USP32: variants seen among roughly 807,000 people sequenced by gnomAD.
The protein encoded by USP32 is ubiquitin carboxyl-terminal hydrolase 32.
USP32 carries 59 observed loss-of-function variants against 204.8 expected under a neutral mutation model. The ratio of observed to expected loss-of-function variants is 0.29; its 90% CI spans 0.23 to 0.36. The LOEUF (loss-of-function observed/expected upper bound fraction) is 0.36, where lower values mean the gene tolerates loss of function less well. USP32 is among the 10% of genes least tolerant of loss of function. USP32 has a pLI of 1.00. For missense variants in USP32, 1,160 were observed against 1,946.4 expected (o/e 0.60, Z 7.60); for synonymous variants, 517 against 678.4 (o/e 0.76, Z 3.70).
At chr17:60,403,021 T>G (rs1328337564) in intron 1 of USP32, among the ~76,000 whole-genome samples, 1 of 148,276 alleles carries the variant, frequency 6.7e-6, no homozygotes, top group Non-Finnish European at 1.5e-5. Flanking sequence ...CGTATCTCTG[T>G]TTTTTTTTTG....
At chr17:60,267,900 T>A (rs1397390504) in intron 7 of USP32, among the ~76,000 whole-genome samples, 1 of 152,060 alleles carries the variant, frequency 6.6e-6, no homozygotes, top group East Asian at 1.9e-4. Flanking sequence ...AACCTCCACC[T>A]CCCAGGTTCA....
At chr17:60,401,400 A>G (rs2089934414) in intron 1 of USP32, among the ~76,000 whole-genome samples, 1 of 152,152 alleles carries the variant, frequency 6.6e-6, no homozygotes, top group African/African-American at 2.4e-5. Flanking sequence ...AAAGAATTAT[A>G]AGCAGTTGAC....
At chr17:60,371,878 G>A in intron 1 of USP32, among the ~76,000 whole-genome samples, 1 of 152,172 alleles carries the variant, frequency 6.6e-6, no homozygotes, top group Non-Finnish European at 1.5e-5. Context: ...AGAATACTAA[G>A]CAAACACAAA....
Position 60,391,894 on chromosome 17 carries a change from C to A in USP32, c.46G>T (p.Ala16Ser), listed in dbSNP as rs748012381. 5.6e-5 allele frequency: 90 copies of A among 1,611,602 alleles called. No individual in the cohort carries two copies. The highest frequency in any genetic ancestry group is 4.8e-5 in the Non-Finnish European group (57 of 1,179,110). ...SRIGFLSYEEALRRVTDVELK... is the reference protein window; with the variant it reads ...SRIGFLSYEESLRRVTDVELK... Reference sequence around the variant, plus strand: ...CCTCCCCCCTCACCTCTCCTCAGCGCCTCCTCGTAGCTGAGGAATCCGATC... The same window carrying A: ...CCTCCCCCCTCACCTCTCCTCAGCGACTCCTCGTAGCTGAGGAATCCGATC... The change falls in exon 1 of 34, where the codon GCG (alanine) becomes TCG (serine). Residue 16 changes from alanine to serine, a missense_variant. Coordinates refer to ENST00000300896, the MANE Select transcript of USP32 (RefSeq NM_032582.4).
At chr17:60,283,486 A>C (rs2087023860) in intron 5 of USP32, among the ~76,000 whole-genome samples, 1 of 152,210 alleles carries the variant, frequency 6.6e-6, no homozygotes, top group African/African-American at 2.4e-5. Context: ...GAAGTAAAAT[A>C]AGAAAGATAA....
At chr17:60,377,431 G>T (rs2146104441) in intron 1 of USP32, among the ~76,000 whole-genome samples, 1 of 152,244 alleles carries the variant, frequency 6.6e-6, no homozygotes, top group East Asian at 1.9e-4. Flanking sequence ...CCTTCGAACA[G>T]TCTCTACTCC....
chr17:60,349,734 AG>A (rs1396661466), intron 1 of USP32, among the ~76,000 whole-genome samples: 122 of 145,638 alleles, frequency 8.4e-4, no homozygotes, highest in African/African-American at 2.7e-3. Context: ...CTTAAACTGT[AG>A]GGAAATGTAC....
Position 60,392,104 on chromosome 17 carries a change from T to A in USP32, c.-165A>T. 1.5e-6 allele frequency: 1 copy of A among 655,764 alleles called. No homozygotes were observed. Among genetic ancestry groups the A allele is most frequent in the Non-Finnish European group, 2.4e-6 (1 of 410,850 alleles). 40.6% of individuals were successfully genotyped at this position (655,764 alleles called of 1,614,324 possible). On this transcript the variant is annotated 5_prime_UTR_variant, in exon 1 of 34. Transcript: ENST00000300896. Reference sequence around the variant, plus strand: ...CTTCTGCCCCGGCGGCTCCTCCCGGTCGCCGCCACCGCCTCCATGCCGGAT... The same window carrying A: ...CTTCTGCCCCGGCGGCTCCTCCCGGACGCCGCCACCGCCTCCATGCCGGAT...
At chr17:60,364,553 T>TA (rs1204803287) in intron 1 of USP32, among the ~76,000 whole-genome samples, 1 of 152,164 alleles carries the variant, frequency 6.6e-6, no homozygotes, top group Non-Finnish European at 1.5e-5. Flanking sequence ...ATTTTTCTAT[T>TA]TTTAGTAGAG....
intron 1 of USP32, among the ~76,000 whole-genome samples, chr17:60,390,257 T>G (rs1421011910): frequency 6.6e-6 from 1 of 152,212 alleles, no homozygotes; most frequent in Non-Finnish European, 1.5e-5. Flanking sequence ...AATTTTGGAA[T>G]TTCTCAATGC....
At chr17:60,398,501 G>C (rs1041303676) in intron 1 of USP32, among the ~76,000 whole-genome samples, 2 of 152,166 alleles carry the variant, frequency 1.3e-5, no homozygotes, top group Non-Finnish European at 2.9e-5. Flanking sequence ...CTTAGAAAGA[G>C]GAAGGAAATT....
chr17:60,295,940 T>C (rs2087417157), intron 3 of USP32, among the ~76,000 whole-genome samples: 1 of 152,134 alleles, frequency 6.6e-6, no homozygotes, highest in Admixed American at 6.5e-5. Flanking sequence ...GTACCATTTA[T>C]TTAAAACTTT....
At chr17:60,256,595 G>T in intron 9 of USP32, 1 of 762,654 alleles carries the variant, frequency 1.3e-6, no homozygotes, top group African/African-American at 1.9e-5. Flanking sequence ...ATTTTCTCCA[G>T]GTACTCCGGT....
intron 11 of USP32, among the ~76,000 whole-genome samples, chr17:60,246,193 C>T (rs2145684421): frequency 1.3e-5 from 2 of 152,150 alleles, no homozygotes; most frequent in South Asian, 4.1e-4. Flanking sequence ...CCCTTGCCAG[C>T]CTCTGATAAC....
intron 28 of USP32, 34 bp downstream of exon 28, chr17:60,192,810 T>C: frequency 1.2e-6 from 2 of 1,605,574 alleles, no homozygotes; most frequent in Non-Finnish European, 1.7e-6. Context: ...AAGCTGAAAT[T>C]CTACTAAAGT....
chr17:60,251,202 C>G (rs894542163), intron 11 of USP32, among the ~76,000 whole-genome samples: 1 of 152,000 alleles, frequency 6.6e-6, no homozygotes, highest in Non-Finnish European at 1.5e-5. Context: ...CTTGGCTTCC[C>G]AAAGTGCTGG....
At chr17:60,208,910 T>C (rs570452311) in intron 22 of USP32, 82 bp from the exon 23 acceptor site, 1 of 1,410,610 alleles carries the variant, frequency 7.1e-7, no homozygotes, top group South Asian at 1.7e-5. Flanking sequence ...GCTAGTTAAA[T>C]ATATTGGATT....
intron 8 of USP32, 52 bp downstream of exon 8, chr17:60,265,924 A>T (rs1328210815): frequency 1.0e-5 from 14 of 1,387,376 alleles, no homozygotes; most frequent in Non-Finnish European, 1.4e-5. Flanking sequence ...GATTCCCTCC[A>T]ATTTCCCATT....
At chr17:60,182,168 T>C (rs1295080075) in intron 31 of USP32, among the ~76,000 whole-genome samples, 1 of 152,252 alleles carries the variant, frequency 6.6e-6, no homozygotes, top group Non-Finnish European at 1.5e-5. Context: ...CTGTCCATTG[T>C]TACCTCTATG....
Sources: allele counts gnomAD v4.1 joint callset (sites outside exome capture counted in the v4.1 genomes callset), GRCh38; gene constraint gnomAD v4.1.1; transcripts MANE v1.5; gene names NCBI Gene and HGNC (gene_info 2026-07-23, HGNC 2026-07-21).